Variants in CAPN8 observed in about 807,000 individuals in gnomAD.
The protein encoded by CAPN8 is calpain 8.
In CAPN8, 87 loss-of-function variants were observed where a neutral mutation model predicts 80.9. The observed-to-expected ratio is 1.07, with a 90% confidence interval of 0.90 to 1.28. The LOEUF is 1.28. CAPN8 is among the 50% of genes most tolerant of loss of function. The pLI, the probability that CAPN8 is intolerant of heterozygous loss-of-function variation, is 0.00. For missense variants in CAPN8, 757 were observed against 702.0 expected (o/e 1.08, Z -0.89); for synonymous variants, 299 against 273.8 (o/e 1.09, Z -0.91).
chr1:223,551,302 C>A (rs1176395674), intron 14 of CAPN8, among the ~76,000 whole-genome samples: 1 of 152,190 alleles, frequency 6.6e-6, no homozygotes, highest in Non-Finnish European at 1.5e-5. Context: ...GCCACCACGC[C>A]TGGCTAATTT....
intron 16 of CAPN8, among the ~76,000 whole-genome samples, chr1:223,546,017 A>T: frequency 7.4e-6 from 1 of 134,476 alleles, no homozygotes; most frequent in African/African-American, 2.8e-5. Flanking sequence ...TTTTTTTAGT[A>T]GAGATGGTTT....
chr1:223,557,655 C>G (rs1656935313), intron 13 of CAPN8, among the ~76,000 whole-genome samples: 1 of 152,210 alleles, frequency 6.6e-6, no homozygotes, highest in Non-Finnish European at 1.5e-5. Context: ...CTCCATGGGG[C>G]CTTCCCAGAC....
At chr1:223,549,212 T>G (rs1656715255) in intron 16 of CAPN8, 106 bp downstream of exon 16, 1 of 1,427,262 alleles carries the variant, frequency 7.0e-7, no homozygotes, top group Non-Finnish European at 9.4e-7. Flanking sequence ...CTCTCTCCCC[T>G]TCTCATTTTT....
intron 16 of CAPN8, among the ~76,000 whole-genome samples, chr1:223,546,699 A>C (rs1349580700): frequency 6.6e-6 from 1 of 152,198 alleles, no homozygotes; most frequent in Admixed American, 6.5e-5. Flanking sequence ...TGAAGTTCAG[A>C]GCATTTAGTA....
At chr1:223,610,406 C>T (rs1657002173) in intron 11 of CAPN8, among the ~76,000 whole-genome samples, 1 of 152,192 alleles carries the variant, frequency 6.6e-6, no homozygotes, top group Non-Finnish European at 1.5e-5. Flanking sequence ...GAGATTCTCC[C>T]TAAAAATGCT....
chr1:223,547,775 T>C (rs1287052714), intron 16 of CAPN8, among the ~76,000 whole-genome samples: 2 of 152,102 alleles, frequency 1.3e-5, no homozygotes, highest in Admixed American at 6.5e-5. Flanking sequence ...ACAAATACCA[T>C]TGGGAATAAA....
intron 10 of CAPN8, among the ~76,000 whole-genome samples, chr1:223,614,558 C>T (rs759919770): frequency 5.9e-5 from 9 of 152,190 alleles, no homozygotes; most frequent in Non-Finnish European, 8.8e-5. Context: ...TCAAGTTCAT[C>T]TTTCAAGGTT....
At chr1:223,615,891 T>G (rs1199836158) in intron 10 of CAPN8, 79 bp downstream of exon 10, 2 of 1,494,058 alleles carry the variant, frequency 1.3e-6, no homozygotes, top group African/African-American at 2.8e-5. Flanking sequence ...ATAGGAAAGA[T>G]GTGCTACAAT....
intron 2 of CAPN8, among the ~76,000 whole-genome samples, chr1:223,645,009 G>A (rs907799908): frequency 2.0e-5 from 3 of 152,182 alleles, no homozygotes; most frequent in South Asian, 4.1e-4. Flanking sequence ...CCGTCTGCAA[G>A]CTGAGGAGCA....
chr1:223,621,933 T>A lies in CAPN8; in HGVS notation c.899+882A>T, dbSNP rs181263356. Among the ~76,000 whole-genome samples, 351 of 152,164 alleles carry A rather than the reference T, an allele frequency of 2.3e-3. 7 individuals are homozygous for A. Among genetic ancestry groups the A allele is most frequent in the Admixed American group, 0.02 (303 of 15,292 alleles). On this transcript the variant is annotated intron_variant, in intron 7 of 20. Coordinates refer to ENST00000366872, the MANE Select transcript of CAPN8 (RefSeq NM_001143962.2). Reference sequence around the variant, plus strand: ...ATGCAGTGGCCCAATCTCGGCTCACTGCAACCTCCAACTCCTGGGTTCAAG... The same window carrying A: ...ATGCAGTGGCCCAATCTCGGCTCACAGCAACCTCCAACTCCTGGGTTCAAG...
At chr1:223,613,865 T>C (rs771182011) in intron 10 of CAPN8, among the ~76,000 whole-genome samples, 4 of 152,238 alleles carry the variant, frequency 2.6e-5, no homozygotes, top group Non-Finnish European at 5.9e-5. Context: ...CAGCTACTTC[T>C]GATACCCTCT....
intron 2 of CAPN8, among the ~76,000 whole-genome samples, chr1:223,653,675 C>T (rs2102735320): frequency 6.6e-6 from 1 of 152,240 alleles, no homozygotes; most frequent in East Asian, 1.9e-4. Context: ...CAGAAACTCC[C>T]ATCTGTGAAG....
rs536980032 is a variant in CAPN8 at position 223,625,811 on chromosome 1, G to C, written c.807C>G (p.Val269=). ...VKSHAYSVTG[V]EEVNFQGHPE... is the part of the protein sequence containing the mutation. ...ACCTTCCACACAATTTTACCTCTTCGACTCCAGTGACAGAGTACGCATGAC... is the reference window on the plus strand; with the variant it reads ...ACCTTCCACACAATTTTACCTCTTCCACTCCAGTGACAGAGTACGCATGAC... The change falls in exon 6 of 21, where the codon GTC becomes GTG. Residue 269 remains valine (V), a synonymous_variant. Transcript: ENST00000366872. 2 of 1,549,476 alleles carry C rather than the reference G, an allele frequency of 1.3e-6. No individual in the cohort carries two copies. Among genetic ancestry groups the C allele is most frequent in the Admixed American group, 3.9e-5 (2 of 50,958 alleles).
intron 10 of CAPN8, among the ~76,000 whole-genome samples, chr1:223,613,200 AAAC>A (rs953975728): frequency 1.3e-5 from 2 of 152,236 alleles, no homozygotes; most frequent in Non-Finnish European, 2.9e-5. Flanking sequence ...TAACTCTGAA[AAAC>A]AACAATATTA....
chr1:223,614,030 T>C (rs1657101990), intron 10 of CAPN8, among the ~76,000 whole-genome samples: 1 of 152,250 alleles, frequency 6.6e-6, no homozygotes, highest in Non-Finnish European at 1.5e-5. Context: ...TTATATATTA[T>C]TTATGAGCGC....
chr1:223,656,877 G>A (rs889265897), intron 1 of CAPN8, among the ~76,000 whole-genome samples: 2 of 151,758 alleles, frequency 1.3e-5, no homozygotes, highest in Admixed American at 6.6e-5. Context: ...GTAGAGATGG[G>A]GTTTCGCCTT....
chr1:223,546,624 A>G (rs1193338475), intron 16 of CAPN8, among the ~76,000 whole-genome samples: 1 of 152,170 alleles, frequency 6.6e-6, no homozygotes, highest in Non-Finnish European at 1.5e-5. Flanking sequence ...ACATACTTGT[A>G]TCTCATTTCA....
intron 5 of CAPN8, 32 bp downstream of exon 5, chr1:223,626,957 A>C: frequency 1.3e-6 from 2 of 1,539,620 alleles, no homozygotes; most frequent in Non-Finnish European, 1.8e-6. Context: ...CGGTGGGGGG[A>C]GGTGGGGCAG....
intron 2 of CAPN8, among the ~76,000 whole-genome samples, chr1:223,649,561 T>A (rs1219774531): frequency 6.6e-6 from 1 of 152,190 alleles, no homozygotes; most frequent in Non-Finnish European, 1.5e-5. Flanking sequence ...GGGACAGACA[T>A]GCAGACAAGC....
Sources: allele counts gnomAD v4.1 joint callset (sites outside exome capture counted in the v4.1 genomes callset), GRCh38; gene constraint gnomAD v4.1.1; transcripts MANE v1.5; gene names NCBI Gene and HGNC (gene_info 2026-07-23, HGNC 2026-07-21).